The following CCDC33 variants were observed in gnomAD, a reference collection of about 807,000 sequenced individuals.
CCDC33 encodes coiled-coil domain containing 33.
A neutral mutation model predicts 91.9 loss-of-function variants in CCDC33; 94 were observed. The ratio of observed to expected loss-of-function variants is 1.02; its 90% CI spans 0.87 to 1.21. The LOEUF is 1.21. CCDC33 is among the 50% of genes most tolerant of loss of function. The pLI is 0.00. For synonymous variants in CCDC33, 396 were observed against 374.5 expected (o/e 1.06, Z -0.66); for missense variants, 940 against 935.5 (o/e 1.00, Z -0.06).
At chr15:74,279,816 C>A in intron 7 of CCDC33, 147 bp from the exon 8 acceptor site, 2 of 1,070,652 alleles carry the variant, frequency 1.9e-6, no homozygotes, top group East Asian at 2.6e-5. Flanking sequence ...GAATTACAGG[C>A]GTGAGCCACT....
At chr15:74,247,201 G>A (rs891604839) in intron 2 of CCDC33, among the ~76,000 whole-genome samples, 1 of 152,024 alleles carries the variant, frequency 6.6e-6, no homozygotes, top group Non-Finnish European at 1.5e-5. Flanking sequence ...TGGTGCAGTG[G>A]CTCATGCCTG....
chr15:74,204,238 G>T (rs1283358125), intron 1 of CCDC33, among the ~76,000 whole-genome samples: 3 of 152,232 alleles, frequency 2.0e-5, no homozygotes, highest in South Asian at 2.1e-4. Flanking sequence ...TTCCAGGCGC[G>T]AGTGTGAGCT....
In CCDC33 at chr15:74,261,078, T is replaced by A. The variant is rs573808723; in HGVS notation, c.186-1362T>A. On this transcript the variant is annotated intron_variant, in intron 2 of 18. Coordinates refer to ENST00000398814, the MANE Select transcript of CCDC33 (RefSeq NM_025055.5). ...AGCTGGCACGGGGTAGAGCTGGGAT[T>A]TGGAACCCAAAATGCCCAGCTGCAG... 5.3e-5 allele frequency among the ~76,000 whole-genome samples: 8 copies of A among 152,282 alleles called. No individual in the cohort carries two copies. The South Asian group carries it at 1.7e-3, about 32-fold the overall frequency.
upstream of CCDC33, among the ~76,000 whole-genome samples, chr15:74,214,868 C>G (rs1181501927): frequency 6.6e-6 from 1 of 152,232 alleles, no homozygotes; most frequent in Non-Finnish European, 1.5e-5. Flanking sequence ...TAAGTAGAAG[C>G]TGGGTTGAAT....
At chr15:74,306,064 G>A (rs894766697) in intron 11 of CCDC33, among the ~76,000 whole-genome samples, 5 of 152,130 alleles carry the variant, frequency 3.3e-5, no homozygotes, top group African/African-American at 4.8e-5. Context: ...GGGATCCCTC[G>A]AGACTGAGGG....
chr15:74,224,433 C>A (rs1170344970), intron 2 of CCDC33, among the ~76,000 whole-genome samples: 1 of 152,190 alleles, frequency 6.6e-6, no homozygotes, highest in South Asian at 2.1e-4. Context: ...CTTGCCCAAG[C>A]CTGTCCCTCC....
At chr15:74,309,146 C>T (rs561970694) in intron 11 of CCDC33, among the ~76,000 whole-genome samples, 3 of 152,174 alleles carry the variant, frequency 2.0e-5, no homozygotes, top group South Asian at 2.1e-4. Flanking sequence ...TGCTACCCCC[C>T]GCCCTGAACC....
intron 11 of CCDC33, among the ~76,000 whole-genome samples, chr15:74,323,416 C>T (rs916500427): frequency 2.6e-5 from 4 of 152,230 alleles, no homozygotes; most frequent in East Asian, 3.9e-4. Context: ...AACAGCATCA[C>T]CAGCATCCTC....
chr15:74,260,989 A>C (rs2076008384), intron 2 of CCDC33, among the ~76,000 whole-genome samples: 1 of 152,214 alleles, frequency 6.6e-6, no homozygotes, highest in Non-Finnish European at 1.5e-5. Flanking sequence ...CACCGTTAGC[A>C]TCTCTGTTTT....
At chr15:74,278,703 G>C (rs1449659269) in intron 7 of CCDC33, among the ~76,000 whole-genome samples, 1 of 152,246 alleles carries the variant, frequency 6.6e-6, no homozygotes, top group Admixed American at 6.5e-5. Context: ...CACCCAGCCA[G>C]ACCTTCCTTC....
intron 1 of CCDC33, among the ~76,000 whole-genome samples, chr15:74,237,931 C>G (rs956579623): frequency 6.6e-6 from 1 of 152,152 alleles, no homozygotes; most frequent in Non-Finnish European, 1.5e-5. Flanking sequence ...AGTTTGAGAC[C>G]AGCCTGGCCA....
intron 17 of CCDC33, 139 bp downstream of exon 17, chr15:74,334,106 G>C (rs1325681088): frequency 1.4e-6 from 1 of 700,018 alleles, no homozygotes; most frequent in Non-Finnish European, 2.3e-6. Context: ...TCGGGGTTCA[G>C]TGTGCAACCA....
chr15:74,223,175 G>A (rs2074663888), intron 2 of CCDC33, among the ~76,000 whole-genome samples: 1 of 152,094 alleles, frequency 6.6e-6, no homozygotes, highest in Admixed American at 6.5e-5. Context: ...TGGGTTAGCT[G>A]GTTTCCCTCA....
Position 74,331,128 on chromosome 15 carries a change from G to C in CCDC33, c.1677+16G>C, listed in dbSNP as rs1429833012. Reference sequence around the variant, plus strand: ...CCAAGAGAAGGCAGGTGGCAGAGGGGCTGCCCCCGAGGCCAACTGATGATG... The same window carrying C: ...CCAAGAGAAGGCAGGTGGCAGAGGGCCTGCCCCCGAGGCCAACTGATGATG... On this transcript the variant is annotated intron_variant, in intron 14 of 18. Coordinates refer to ENST00000398814, the MANE Select transcript of CCDC33 (RefSeq NM_025055.5). The C allele has an allele frequency of 6.2e-7, 1 of 1,613,300 alleles. No individual in the cohort carries two copies. The highest frequency in any genetic ancestry group is 8.5e-7 in the Non-Finnish European group (1 of 1,179,528).
rs751253830 is a variant in CCDC33 at position 74,330,261 on chromosome 15, A to G, written c.1363A>G (p.Ile455Val). 1.9e-6 allele frequency: 3 copies of G among 1,612,918 alleles called. No individual in the cohort carries two copies. The highest frequency in any genetic ancestry group is 2.2e-5 in the South Asian group (2 of 91,026). The change falls in exon 12 of 19, where the codon ATC becomes GTC. Residue 455 changes from isoleucine (I) to valine (V), a missense_variant. Ile to Val is a conservative substitution (Grantham distance 29). Transcript: ENST00000398814. Reference protein sequence around the residue: ...DILSLRRQASILEGENRILRS... With the variant: ...DILSLRRQASVLEGENRILRS... Reference sequence around the variant, plus strand: ...CCTGTCTCTGCGGAGACAGGCCAGCATCCTGGAAGGAGAGAACCGCATACT... The same window carrying G: ...CCTGTCTCTGCGGAGACAGGCCAGCGTCCTGGAAGGAGAGAACCGCATACT...
At chr15:74,231,362 C>T (rs987895102), upstream of CCDC33, among the ~76,000 whole-genome samples, 2 of 152,212 alleles carry the variant, frequency 1.3e-5, no homozygotes, top group Non-Finnish European at 2.9e-5. Context: ...TGGCTCTGCC[C>T]TTGCTTATGG....
At chr15:74,238,078 A>G (rs1045289222) in intron 1 of CCDC33, among the ~76,000 whole-genome samples, 4 of 152,062 alleles carry the variant, frequency 2.6e-5, no homozygotes, top group Non-Finnish European at 5.9e-5. Flanking sequence ...CAGTGAGCCG[A>G]GATCACGCCA....
chr15:74,210,861 C>T (rs2074356929), intron 2 of CCDC33, among the ~76,000 whole-genome samples: 2 of 152,200 alleles, frequency 1.3e-5, no homozygotes, highest in African/African-American at 2.4e-5. Flanking sequence ...TCTTTACCCC[C>T]TCCTCCTTCT....
chr15:74,234,738 G>T (rs920950860), upstream of CCDC33, among the ~76,000 whole-genome samples: 4 of 152,366 alleles, frequency 2.6e-5, no homozygotes, highest in African/African-American at 9.6e-5. Flanking sequence ...GAGGGTAGCT[G>T]GGTGAGAGCC....
Sources: allele counts gnomAD v4.1 joint callset (sites outside exome capture counted in the v4.1 genomes callset), GRCh38; gene constraint gnomAD v4.1.1; transcripts MANE v1.5; gene names NCBI Gene and HGNC (gene_info 2026-07-23, HGNC 2026-07-21).